Variants in DOCK9 observed in about 807,000 individuals in gnomAD.
DOCK9 encodes dedicator of cytokinesis protein 9.
A neutral mutation model predicts 263.3 loss-of-function variants in DOCK9; 89 were observed. That is an observed-to-expected ratio of 0.34 (90% CI 0.28 to 0.40). DOCK9 has a LOEUF of 0.40. Ranked by LOEUF, DOCK9 falls within the 10% of genes least tolerant of loss-of-function variation. The pLI, the probability that DOCK9 is intolerant of heterozygous loss-of-function variation, is 1.00. For missense variants in DOCK9, 2,140 were observed against 2,603.4 expected (o/e 0.82, Z 3.87); for synonymous variants, 976 against 973.1 (o/e 1.00, Z -0.06).
intron 1 of DOCK9, among the ~76,000 whole-genome samples, chr13:99,043,721 G>T (rs1888692677): frequency 6.6e-6 from 1 of 152,148 alleles, no homozygotes; most frequent in African/African-American, 2.4e-5. Context: ...TAAAGTAATT[G>T]CTAATAATGA....
At position 98,902,511 on chromosome 13, in the gene DOCK9, C is replaced by A; in HGVS notation, c.1177-20G>T. Reference sequence around the variant, plus strand: ...TTCAACCTGAACAAAACAAAACAATCCAATGATCACCATGGCTCAAACAGG... The same window carrying A: ...TTCAACCTGAACAAAACAAAACAATACAATGATCACCATGGCTCAAACAGG... On this transcript the variant is annotated intron_variant, in intron 11 of 52. Coordinates refer to ENST00000682017, the MANE Select transcript of DOCK9 (RefSeq NM_001366683.2). 6.2e-7 allele frequency: 1 copy of A among 1,605,872 alleles called. No individual in the cohort carries two copies. The highest frequency in any genetic ancestry group is 8.5e-7 in the Non-Finnish European group (1 of 1,174,262).
chr13:98,996,412 T>C (rs1881046776), intron 1 of DOCK9, among the ~76,000 whole-genome samples: 1 of 152,232 alleles, frequency 6.6e-6, no homozygotes, highest in African/African-American at 2.4e-5. Context: ...GTAAGCCATC[T>C]AGAGCTAAGA....
intron 38 of DOCK9, among the ~76,000 whole-genome samples, chr13:98,841,354 G>C (rs1209171736): frequency 6.6e-6 from 1 of 151,986 alleles, no homozygotes; most frequent in Non-Finnish European, 1.5e-5. Context: ...GAAAATACTT[G>C]GTTTAAACAT....
chr13:98,881,015 T>TTA (rs2044667074), intron 25 of DOCK9, among the ~76,000 whole-genome samples: 1 of 152,232 alleles, frequency 6.6e-6, no homozygotes, highest in South Asian at 2.1e-4. Context: ...TAGTTGTAAT[T>TTA]TACAAAGGTA....
intron 15 of DOCK9, among the ~76,000 whole-genome samples, chr13:98,890,904 G>A (rs1372637021): frequency 1.3e-5 from 2 of 152,074 alleles, no homozygotes; most frequent in Middle Eastern, 3.2e-3. Context: ...CTTGTCTTCT[G>A]TTTACATCTG....
intron 2 of DOCK9, among the ~76,000 whole-genome samples, chr13:98,954,863 T>TACACACAC (rs71719426): frequency 0.15 from 21,282 of 146,424 alleles, 1,627 homozygotes; most frequent in Non-Finnish European, 0.17. Flanking sequence ...TTATTCAAGA[T>TACACACAC]ACACACACAC....
intron 1 of DOCK9, among the ~76,000 whole-genome samples, chr13:99,052,641 G>A (rs1259121740): frequency 6.6e-6 from 1 of 152,118 alleles, no homozygotes; most frequent in Non-Finnish European, 1.5e-5. Context: ...TGTCACCCAG[G>A]CTGGAGAGCA....
intron 25 of DOCK9, 130 bp downstream of exon 25, chr13:98,881,428 T>G: frequency 1.4e-6 from 1 of 691,968 alleles, no homozygotes; most frequent in Non-Finnish European, 2.4e-6. Flanking sequence ...GCATTGGCTA[T>G]GAGAAATAGA....
intron 15 of DOCK9, among the ~76,000 whole-genome samples, chr13:98,889,639 C>T (rs1036650832): frequency 6.6e-6 from 1 of 152,216 alleles, no homozygotes; most frequent in African/African-American, 2.4e-5. Context: ...TGCTCTTGCT[C>T]ATAGCATAGT....
At chr13:99,080,712 G>A (rs576486484) in intron 1 of DOCK9, among the ~76,000 whole-genome samples, 7 of 152,124 alleles carry the variant, frequency 4.6e-5, no homozygotes, top group Non-Finnish European at 8.8e-5. Context: ...ATTCTTTCCC[G>A]AATACACTGG....
At chr13:98,946,670 G>C (rs1210331533) in intron 2 of DOCK9, among the ~76,000 whole-genome samples, 1 of 152,106 alleles carries the variant, frequency 6.6e-6, no homozygotes, top group African/African-American at 2.4e-5. Context: ...ACCCTTCTCA[G>C]CTCATTCTTG....
intron 14 of DOCK9, 26 bp downstream of exon 14, chr13:98,898,153 T>A: frequency 6.4e-7 from 1 of 1,558,026 alleles, no homozygotes; most frequent in Non-Finnish European, 8.8e-7. Context: ...TATATCGATT[T>A]AAAAGGTATA....
At chr13:99,084,549 T>C (rs965737649) in intron 1 of DOCK9, among the ~76,000 whole-genome samples, 3 of 152,178 alleles carry the variant, frequency 2.0e-5, no homozygotes, top group Non-Finnish European at 4.4e-5. Flanking sequence ...CACGTGGGAA[T>C]GGACACTCCT....
chr13:98,850,805 C>A (rs964946723), intron 35 of DOCK9, among the ~76,000 whole-genome samples: 2 of 152,196 alleles, frequency 1.3e-5, no homozygotes, highest in Non-Finnish European at 2.9e-5. Context: ...TGCATTTAAA[C>A]CTCTGTGTGA....
chr13:98,990,485 C>T (rs1879549065), intron 1 of DOCK9, among the ~76,000 whole-genome samples: 1 of 152,194 alleles, frequency 6.6e-6, no homozygotes, highest in African/African-American at 2.4e-5. Context: ...CGTTCCCCAA[C>T]AACTCATTTT....
At chr13:98,877,434 G>A (rs1273555017) in intron 27 of DOCK9, among the ~76,000 whole-genome samples, 6 of 152,140 alleles carry the variant, frequency 3.9e-5, no homozygotes, top group African/African-American at 1.2e-4. Flanking sequence ...GGAAGTGTTC[G>A]TTACCTCCCT....
intron 1 of DOCK9, chr13:99,015,326 A>C: frequency 1.2e-6 from 1 of 830,568 alleles, no homozygotes; most frequent in South Asian, 3.2e-5. Flanking sequence ...CTAATTACCC[A>C]TTTATACACA....
chr13:99,003,892 T>C (rs1261039276), intron 1 of DOCK9, among the ~76,000 whole-genome samples: 2 of 152,186 alleles, frequency 1.3e-5, no homozygotes, highest in Non-Finnish European at 2.9e-5. Context: ...ACTAAATGGC[T>C]TCCCTCTAAT....
At chr13:99,066,848 C>G (rs565691367) in intron 1 of DOCK9, among the ~76,000 whole-genome samples, 1 of 152,182 alleles carries the variant, frequency 6.6e-6, no homozygotes, top group African/African-American at 2.4e-5. Flanking sequence ...ATTCTCACTG[C>G]ATGTATCTCA....
Sources: gnomAD v4.1 joint callset for allele counts (sites outside exome capture counted in the v4.1 genomes callset) on GRCh38, gnomAD v4.1.1 for gene constraint, MANE v1.5 for transcripts, NCBI Gene and HGNC (gene_info 2026-07-23, HGNC 2026-07-21) for gene names.